Variants in IGF2BP1 observed in about 807,000 individuals in gnomAD.
IGF2BP1 encodes insulin-like growth factor 2 mRNA-binding protein 1.
In IGF2BP1, 11 loss-of-function variants were observed where a neutral mutation model predicts 74.9. The ratio of observed to expected loss-of-function variants is 0.15; its 90% confidence interval spans 0.09 to 0.24. The LOEUF is 0.24. Among genes scored for constraint, IGF2BP1 ranks in the 10% least tolerant of loss-of-function variants. The pLI, the probability that IGF2BP1 is intolerant of heterozygous loss-of-function variation, is 1.00. For synonymous variants in IGF2BP1, 287 were observed against 281.8 expected (o/e 1.02, Z -0.18); for missense variants, 440 against 757.4 (o/e 0.58, Z 4.92).
chr17:49,016,801 G>GCCCCCCTGTCCTCCTGC (rs1555597166), intron 2 of IGF2BP1, among the ~76,000 whole-genome samples: 4 of 14,892 alleles, frequency 2.7e-4, no homozygotes, highest in Non-Finnish European at 6.3e-4. Context: ...CCGCCCGCCC[G>GCCCCCCTGTCCTCCTGC]CCCCCCTGTC....
At position 48,997,673 on chromosome 17, in the gene IGF2BP1, C is replaced by G; in HGVS notation, c.-73C>G. ...TGCCGCCGGCCTCTCCGCCTCTTGG[C>G]CTAGGAGGCTCGCCGCCCGCGCCCG... On this transcript the variant is annotated 5_prime_UTR_variant, in exon 1 of 15. Coordinates refer to ENST00000290341, the MANE Select transcript of IGF2BP1 (RefSeq NM_006546.4). The surrounding 1 kb of genome is among the most constrained non-coding windows in gnomAD (Gnocchi z 4.8). 1.3e-6 allele frequency: 2 copies of G among 1,527,226 alleles called. No individual in the cohort carries two copies. The highest frequency in any genetic ancestry group is 1.8e-6 in the Non-Finnish European group (2 of 1,118,890). 94.6% of individuals were successfully genotyped at this position (1,527,226 alleles called of 1,614,324 possible).
chr17:49,019,938 A>ATATATATTTATATATATATT (rs2041763761), intron 2 of IGF2BP1, among the ~76,000 whole-genome samples: 1 of 57,390 alleles, frequency 1.7e-5, no homozygotes, highest in Non-Finnish European at 3.4e-5. Flanking sequence ...ATATATATAT[A>ATATATATTTATATATATATT]TATATATATA....
rs908551153 is a variant in IGF2BP1, at chr17:48,997,632, G to A, written c.-114G>A. 3.4e-6 allele frequency: 4 copies of A among 1,183,378 alleles called. No individual in the cohort carries two copies. In the South Asian group the frequency reaches 5.8e-5, roughly 17 times the overall value. 73.3% of individuals were successfully genotyped at this position (1,183,378 alleles called of 1,614,324 possible). On this transcript the variant is annotated 5_prime_UTR_variant, in exon 1 of 15. Coordinates refer to ENST00000290341, the MANE Select transcript of IGF2BP1 (RefSeq NM_006546.4). The surrounding 1 kb of genome is among the most constrained non-coding windows in gnomAD (Gnocchi z 4.8). ...GACAACTTCTGGGGTGGGGTGCAAAGAAAGTTTGCGGCTCCTGCCGCCGGC... is the reference window on the plus strand; with the variant it reads ...GACAACTTCTGGGGTGGGGTGCAAAAAAAGTTTGCGGCTCCTGCCGCCGGC...
Position 49,044,982 on chromosome 17 carries a change from G to A in IGF2BP1, c.1321-9G>A, listed in dbSNP as rs774338817. The stretch of plus-strand genomic sequence containing the variant: ...AGGGTCCCTCATTGACTAGCTTTTT[G>A]CTTTTTAGATTGCACCACCCGAAAC... On this transcript the variant is annotated splice_polypyrimidine_tract_variant and intron_variant, in intron 11 of 14. Coordinates refer to ENST00000290341, the MANE Select transcript of IGF2BP1 (RefSeq NM_006546.4). 7 of 1,613,644 alleles carry A rather than the reference G, an allele frequency of 4.3e-6. No homozygotes were observed. Among genetic ancestry groups the A allele is most frequent in the East Asian group, 4.5e-5 (2 of 44,902 alleles).
chr17:49,026,707 TCCTGCCTTCCTG>T (rs1313965801), intron 4 of IGF2BP1, among the ~76,000 whole-genome samples, 190 bp downstream of exon 4: 359 of 131,046 alleles, frequency 2.7e-3, no homozygotes, highest in African/African-American at 6.3e-3. Flanking sequence ...CTTCCTGCCT[TCCTGCCTTCCTG>T]CCTGCCTTCC....
At chr17:48,998,061 C>G (rs2041430363) in intron 1 of IGF2BP1, 141 bp downstream of exon 1, 4 of 769,252 alleles carry the variant, frequency 5.2e-6, no homozygotes, top group Non-Finnish European at 8.1e-6. Context: ...TCGACCTACC[C>G]CCTTCGATGC....
intron 5 of IGF2BP1, among the ~76,000 whole-genome samples, chr17:49,033,157 T>C (rs2041944970): frequency 6.6e-6 from 1 of 151,658 alleles, no homozygotes; most frequent in Admixed American, 6.6e-5. Flanking sequence ...TATTTATTTA[T>C]TATTTTGAGA....
chr17:49,020,433 A>G (rs901589634), intron 2 of IGF2BP1, among the ~76,000 whole-genome samples: 1 of 152,182 alleles, frequency 6.6e-6, no homozygotes, highest in Non-Finnish European at 1.5e-5. Flanking sequence ...GGTGGTATCA[A>G]CGGATGTTTT....
chr17:49,022,743 A>G (rs2144036617), intron 2 of IGF2BP1, among the ~76,000 whole-genome samples: 1 of 152,274 alleles, frequency 6.6e-6, no homozygotes, highest in East Asian at 1.9e-4. Context: ...CCCCTCCACG[A>G]AAGAAAGCCT....
chr17:49,034,418 CTTT>C (rs113257512), intron 5 of IGF2BP1, among the ~76,000 whole-genome samples: 1 of 141,976 alleles, frequency 7.0e-6, no homozygotes, highest in Non-Finnish European at 1.5e-5. Context: ...CACACTTGGC[CTTT>C]TTTTTTTTTT....
upstream of IGF2BP1, among the ~76,000 whole-genome samples, chr17:48,997,130 G>A (rs113717830): frequency 4.1e-3 from 631 of 152,282 alleles, 8 homozygotes; most frequent in African/African-American, 0.014. The surrounding 1 kb of genome is among the most constrained non-coding windows in gnomAD (Gnocchi z 4.8). Flanking sequence ...GCTGGGGTAG[G>A]GGGATGGGTG....
chr17:49,049,501 T>C lies in IGF2BP1; in HGVS notation c.*57T>C. On this transcript the variant is annotated 3_prime_UTR_variant, in exon 15 of 15. Transcript: ENST00000290341. The stretch of plus-strand genomic sequence containing the variant: ...CAACAACGGGCAGAAATCGAGAGTG[T>C]GCTCTCCCCGGCAGGCCTGAGAATG... 1 of 1,465,632 alleles carries C rather than the reference T, an allele frequency of 6.8e-7. No homozygotes were observed. The highest frequency in any genetic ancestry group is 9.5e-7 in the Non-Finnish European group (1 of 1,051,484). The allele number at this position is 1,465,632 out of a possible 1,614,324, so 90.8% of individuals were successfully genotyped here.
At chr17:49,016,472 A>G (rs1315608060) in intron 2 of IGF2BP1, among the ~76,000 whole-genome samples, 6 of 152,106 alleles carry the variant, frequency 3.9e-5, no homozygotes, top group African/African-American at 1.4e-4. Context: ...TCTCTCCCCT[A>G]AATATGGGTA....
intron 1 of IGF2BP1, 142 bp from the exon 2 acceptor site, chr17:48,998,967 A>T (rs1194311707): frequency 3.8e-5 from 24 of 624,314 alleles, no homozygotes; most frequent in Non-Finnish European, 4.9e-5. Context: ...TCCCATCTGG[A>T]TGCGGAAGCC....
chr17:49,021,806 A>G (rs992488802), intron 2 of IGF2BP1, among the ~76,000 whole-genome samples: 2 of 152,226 alleles, frequency 1.3e-5, no homozygotes, highest in African/African-American at 4.8e-5. Flanking sequence ...GATACTGCCC[A>G]TAGGGCAAAG....
Position 49,053,300 on chromosome 17 carries a change from T to TGA in IGF2BP1, c.*3862_*3863dup, listed in dbSNP as rs987987772. ...GTGCCAAAGACAGACAGACAGAGGC[T>TGA]GAGAGAGGCTGTTCCTGAATCAAAG... is the stretch of plus-strand genomic sequence containing the variant. On this transcript the variant is annotated 3_prime_UTR_variant, in exon 15 of 15. Transcript: ENST00000290341. 5.9e-5 allele frequency: 9 copies of TGA among 152,654 alleles called. No homozygotes were observed. The highest frequency in any genetic ancestry group is 5.9e-5 in the Non-Finnish European group (4 of 68,076). The allele number at this position is 152,654 out of a possible 1,614,324, so 9.5% of individuals were successfully genotyped here.
intron 2 of IGF2BP1, 150 bp from the exon 3 acceptor site, chr17:49,025,468 C>A: frequency 1.4e-6 from 1 of 705,800 alleles, no homozygotes; most frequent in South Asian, 1.9e-5. Flanking sequence ...AGTCTCCATT[C>A]CTAAAAGTGT....
chr17:49,035,633 C>T (rs1446890510), intron 5 of IGF2BP1, among the ~76,000 whole-genome samples: 1 of 152,162 alleles, frequency 6.6e-6, no homozygotes, highest in Non-Finnish European at 1.5e-5. Flanking sequence ...GCACCTGCAG[C>T]GGTGGGGGTG....
At chr17:49,038,900 CAG>C (rs1224205961) in intron 6 of IGF2BP1, among the ~76,000 whole-genome samples, 3 of 124,958 alleles carry the variant, frequency 2.4e-5, no homozygotes, top group Non-Finnish European at 3.2e-5. Context: ...TTTTTTGAGA[CAG>C]AGTTTTGCTC....
Sources: gnomAD v4.1 joint callset for allele counts (sites outside exome capture counted in the v4.1 genomes callset) on GRCh38, gnomAD v4.1.1 for gene constraint, Gnocchi (gnomAD v3.1) non-coding constraint, MANE v1.5 for transcripts, NCBI Gene and HGNC (gene_info 2026-07-23, HGNC 2026-07-21) for gene names.